LDB2: variants seen among roughly 807,000 people sequenced by gnomAD.
The protein encoded by LDB2 is LIM domain binding 2.
In LDB2, 12 loss-of-function variants were observed where a neutral mutation model predicts 44.3. The observed-to-expected ratio is 0.27, with a 90% CI of 0.17 to 0.44. The LOEUF is 0.44. Ranked by LOEUF, LDB2 falls within the 20% of genes least tolerant of loss-of-function variation. The pLI is 1.00. For missense variants in LDB2, 344 were observed against 473.5 expected, an observed-to-expected ratio of 0.73 and a Z score of 2.54; for synonymous variants, 164 against 174.8, an observed-to-expected ratio of 0.94 and a Z score of 0.49.
Position 16,533,791 on chromosome 4 carries a change from A to G in LDB2, c.616-21687T>C, listed in dbSNP as rs1400049817. On this transcript the variant is annotated intron_variant, in intron 5 of 7. Transcript: ENST00000304523. The surrounding 1 kb of genome is among the most constrained non-coding windows in gnomAD (Gnocchi z 4.1). ...TCCTGGAAAGGTGAAATTTTTAATT[A>G]AATGTATTCAAAGGGAATACAGATT... Among the ~76,000 whole-genome samples, 4 of 152,200 alleles carry G rather than the reference A, an allele frequency of 2.6e-5. No individual in the cohort carries two copies. The highest frequency in any genetic ancestry group is 2.6e-4 in the Admixed American group (4 of 15,278).
chr4:16,677,292 G>C (rs1359886174), intron 2 of LDB2, among the ~76,000 whole-genome samples: 1 of 152,188 alleles, frequency 6.6e-6, no homozygotes, highest in Non-Finnish European at 1.5e-5. Flanking sequence ...GGTCTTCTGA[G>C]CTTACCTAAC....
chr4:16,536,624 C>T (rs1045254424), intron 5 of LDB2, among the ~76,000 whole-genome samples: 6 of 152,278 alleles, frequency 3.9e-5, no homozygotes, highest in Middle Eastern at 3.4e-3. Context: ...TTTTCTCACT[C>T]AACAGGAAGT....
At chr4:16,823,563 AC>A (rs1782498747) in intron 1 of LDB2, among the ~76,000 whole-genome samples, 1 of 152,196 alleles carries the variant, frequency 6.6e-6, no homozygotes, top group African/African-American at 2.4e-5. Flanking sequence ...ACAAAGCTTA[AC>A]CACAGCCAAG....
chr4:16,626,570 A>ATTATT (rs1228714250), intron 2 of LDB2, among the ~76,000 whole-genome samples: 2 of 152,228 alleles, frequency 1.3e-5, no homozygotes, highest in African/African-American at 4.8e-5. Flanking sequence ...AATCAGGCAA[A>ATTATT]TACAACTTGC....
chr4:16,795,933 A>G (rs1776644587), intron 1 of LDB2, among the ~76,000 whole-genome samples: 1 of 152,168 alleles, frequency 6.6e-6, no homozygotes, highest in Non-Finnish European at 1.5e-5. Context: ...GTGTTAACCA[A>G]TGTTTGGGGT....
chr4:16,749,585 AAAAAAT>A (rs1765085952), intron 2 of LDB2, among the ~76,000 whole-genome samples: 1 of 133,130 alleles, frequency 7.5e-6, no homozygotes, highest in Non-Finnish European at 1.7e-5. Context: ...AAAAAATAAA[AAAAAAT>A]ATATATATAT....
rs192030153 is a variant in LDB2, at chr4:16,866,467, A to C, written c.132+31887T>G. Among the ~76,000 whole-genome samples the C allele has an allele frequency of 9.6e-4, 146 of 152,332 alleles. 1 individual carries two copies. The highest frequency in any genetic ancestry group is 3.2e-3 in the African/African-American group (132 of 41,578). On this transcript the variant is annotated intron_variant, in intron 1 of 7. Coordinates refer to ENST00000304523, the MANE Select transcript of LDB2 (RefSeq NM_001290.5). Reference sequence around the variant, plus strand: ...TAAATAAATCAAAGAATTTTGTAACAATCTGGAAAGAAAAGAGAATGTGTG... The same window carrying C: ...TAAATAAATCAAAGAATTTTGTAACCATCTGGAAAGAAAAGAGAATGTGTG...
At chr4:16,611,549 A>AG (rs1725628006) in intron 2 of LDB2, among the ~76,000 whole-genome samples, 2 of 151,504 alleles carry the variant, frequency 1.3e-5, no homozygotes, top group African/African-American at 2.4e-5. Context: ...GAAAAAAAAA[A>AG]AGCAGGGATT....
chr4:16,799,700 T>C (rs1428541369), intron 1 of LDB2, among the ~76,000 whole-genome samples: 1 of 152,202 alleles, frequency 6.6e-6, no homozygotes, highest in African/African-American at 2.4e-5. Context: ...AATTGACCTT[T>C]CTGGATTCTT....
intron 2 of LDB2, among the ~76,000 whole-genome samples, chr4:16,605,662 A>G (rs918246753): frequency 1.3e-5 from 2 of 152,186 alleles, no homozygotes; most frequent in Non-Finnish European, 2.9e-5. Context: ...CATTTTGTTC[A>G]ACAGAATAGA....
chr4:16,548,326 C>G (rs200178517), intron 5 of LDB2, among the ~76,000 whole-genome samples: 4 of 152,152 alleles, frequency 2.6e-5, no homozygotes, highest in Non-Finnish European at 2.9e-5. Context: ...TAATAAGATT[C>G]GCCCAAGGCT....
chr4:16,575,761 G>A (rs1168462760), intron 5 of LDB2, among the ~76,000 whole-genome samples: 2 of 152,160 alleles, frequency 1.3e-5, no homozygotes, highest in South Asian at 2.1e-4. Flanking sequence ...TTTTTGAGAC[G>A]GAGTCTCGCT....
intron 7 of LDB2, chr4:16,505,961 A>G: frequency 1.3e-6 from 2 of 1,551,730 alleles, no homozygotes; most frequent in Non-Finnish European, 8.7e-7. Flanking sequence ...TTGAGGCTGC[A>G]GTTCGGGATC....
At chr4:16,617,993 T>C (rs181504060) in intron 2 of LDB2, among the ~76,000 whole-genome samples, 16 of 152,234 alleles carry the variant, frequency 1.1e-4, no homozygotes, top group Admixed American at 4.6e-4. Context: ...TTTTTCTGGA[T>C]AATTCTTTCT....
At chr4:16,737,945 T>C (rs550609929) in intron 2 of LDB2, among the ~76,000 whole-genome samples, 2 of 152,346 alleles carry the variant, frequency 1.3e-5, no homozygotes, top group Admixed American at 6.5e-5. Flanking sequence ...TAAGGACTTA[T>C]CTGATTCCAA....
At chr4:16,587,411 C>T (rs1232530736) in intron 4 of LDB2, among the ~76,000 whole-genome samples, 1 of 152,204 alleles carries the variant, frequency 6.6e-6, no homozygotes, top group Non-Finnish European at 1.5e-5. Flanking sequence ...AGCAAGGGTC[C>T]AACCCTATGT....
intron 1 of LDB2, among the ~76,000 whole-genome samples, chr4:16,859,630 C>G (rs1316936229): frequency 6.6e-6 from 1 of 152,194 alleles, no homozygotes; most frequent in Non-Finnish European, 1.5e-5. Context: ...GAATCATTGA[C>G]TCAGAGACTC....
chr4:16,779,564 T>C (rs1052922044), intron 1 of LDB2, among the ~76,000 whole-genome samples: 2 of 151,882 alleles, frequency 1.3e-5, no homozygotes, highest in Admixed American at 1.3e-4. Context: ...ACGAGGTGAG[T>C]AACCTGGAGA....
chr4:16,591,175 GT>G (rs1377329048), intron 3 of LDB2, among the ~76,000 whole-genome samples: 4 of 152,168 alleles, frequency 2.6e-5, no homozygotes, highest in African/African-American at 9.7e-5. Context: ...TAATATATTT[GT>G]TTTGCATTTA....
Sources: gnomAD v4.1 joint callset for allele counts (sites outside exome capture counted in the v4.1 genomes callset) on GRCh38, gnomAD v4.1.1 for gene constraint, Gnocchi (gnomAD v3.1) non-coding constraint, MANE v1.5 for transcripts, NCBI Gene and HGNC (gene_info 2026-07-23, HGNC 2026-07-21) for gene names.